MLPH: variants seen among roughly 807,000 people sequenced by gnomAD.
The protein encoded by MLPH is melanophilin.
In MLPH, 51 loss-of-function variants were observed where a neutral mutation model predicts 72.1. That is an observed-to-expected ratio of 0.71 (90% CI 0.56 to 0.89). MLPH has a LOEUF of 0.89. MLPH is among the 40% of genes least tolerant of loss of function. MLPH has a pLI of 0.00. For missense variants in MLPH, 743 were observed against 759.9 expected (o/e 0.98, Z 0.26); for synonymous variants, 301 against 310.1 (o/e 0.97, Z 0.31).
intron 11 of MLPH, 56 bp from the exon 12 acceptor site, chr2:237,542,511 G>A (rs1040722155): frequency 3.9e-4 from 541 of 1,401,060 alleles, no homozygotes; most frequent in Non-Finnish European, 4.7e-4. Flanking sequence ...CCATGACTTT[G>A]AGGCGGGATC....
At chr2:237,502,719 G>A (rs147869554) in intron 2 of MLPH, among the ~76,000 whole-genome samples, 25 of 152,320 alleles carry the variant, frequency 1.6e-4, no homozygotes, top group African/African-American at 5.1e-4. Context: ...AAGGCAAATA[G>A]GTGGTGACGT....
intron 2 of MLPH, among the ~76,000 whole-genome samples, chr2:237,496,740 A>T (rs1276168505): frequency 6.6e-6 from 1 of 152,166 alleles, no homozygotes; most frequent in Non-Finnish European, 1.5e-5. Flanking sequence ...AAGTCCCCAG[A>T]TGTCTTCCGA....
chr2:237,493,894 A>G (rs1371584260), intron 2 of MLPH, among the ~76,000 whole-genome samples: 1 of 152,170 alleles, frequency 6.6e-6, no homozygotes, highest in African/African-American at 2.4e-5. Flanking sequence ...GTTGGAATCA[A>G]GTCTTTAGGA....
chr2:237,503,244 C>G (rs111932012), intron 2 of MLPH, among the ~76,000 whole-genome samples: 47 of 152,284 alleles, frequency 3.1e-4, no homozygotes, highest in African/African-American at 1.1e-3. Context: ...AAAATAGGGG[C>G]TAAAACAGGG....
chr2:237,553,518 C>T (rs768253105), intron 15 of MLPH, 48 bp from the exon 16 acceptor site: 4 of 1,578,000 alleles, frequency 2.5e-6, no homozygotes, highest in Non-Finnish European at 3.5e-6. Flanking sequence ...GTGTTACATG[C>T]CTGTGTATGT....
rs77869297 is a variant in MLPH at position 237,493,465 on chromosome 2, A to G, written c.39A>G (p.Glu13=). ...TGGATCTTTCCAAGCTCACTGATGA[A>G]GAGGCCCAGCATGTCTTGGAAGTTG... ...KKLDLSKLTD[E]EAQHVLEVVQ... The change falls in exon 2 of 16, where the codon GAA becomes GAG. Residue 13 remains glutamate (E), a synonymous_variant. Transcript: ENST00000264605. 1,045 of 1,614,078 alleles carry G rather than the reference A, an allele frequency of 6.5e-4. 6 individuals are homozygous for G. The African/African-American group carries it at 0.012, about 19-fold the overall frequency.
At position 237,521,195 on chromosome 2, in the gene MLPH, T is replaced by G. The variant is rs192686783; in HGVS notation, c.675+1166T>G. 4.7e-4 allele frequency among the ~76,000 whole-genome samples: 72 copies of G among 152,218 alleles called. 2 individuals carry two copies. The East Asian group carries it at 0.013, about 27-fold the overall frequency. Reference sequence around the variant, plus strand: ...GAGTCGTGTAGCGAGGTTGTCCTATTAGAGCGAAGAAAACAATATGGGTAC... The same window carrying G: ...GAGTCGTGTAGCGAGGTTGTCCTATGAGAGCGAAGAAAACAATATGGGTAC... On this transcript the variant is annotated intron_variant, in intron 6 of 15. Transcript: ENST00000264605.
intron 5 of MLPH, among the ~76,000 whole-genome samples, chr2:237,519,188 T>G (rs932680628): frequency 2.0e-5 from 3 of 151,450 alleles, no homozygotes; most frequent in Non-Finnish European, 2.9e-5. Context: ...GGTTTTGGGG[T>G]GGGAAGCAAG....
In MLPH at chr2:237,554,329, G is replaced by T. The variant is rs1341593359; in HGVS notation, c.*737G>T. The T allele has an allele frequency of 6.0e-6, 1 of 165,978 alleles. No homozygotes were observed. The highest frequency in any genetic ancestry group is 1.3e-5 in the Non-Finnish European group (1 of 75,154). 10.3% of individuals were successfully genotyped at this position (165,978 alleles called of 1,614,324 possible). ...CAGAGCTCCAGATGGGCAAGGAAGA[G>T]GCTTGGTTCTAGCCTGGCTCTGCCC... On this transcript the variant is annotated 3_prime_UTR_variant, in exon 16 of 16. Transcript: ENST00000264605.
chr2:237,514,388 G>T lies in MLPH; in HGVS notation c.445+3287G>T, dbSNP rs188069800. Among the ~76,000 whole-genome samples, 225 of 152,278 alleles carry T rather than the reference G, an allele frequency of 1.5e-3. No homozygotes were observed. In the Middle Eastern group the frequency reaches 0.017, roughly 12 times the overall value. On this transcript the variant is annotated intron_variant, in intron 4 of 15. Transcript: ENST00000264605. ...TGCTGGGATTACAAGCATAAACCGT[G>T]CATGCCCAGCCAGATAATTTCTTTA...
intron 1 of MLPH, among the ~76,000 whole-genome samples, chr2:237,490,362 G>T (rs73098871): frequency 6.6e-6 from 1 of 152,148 alleles, no homozygotes; most frequent in African/African-American, 2.4e-5. Flanking sequence ...TTTGAAAGGG[G>T]ATAGAATGGG....
At chr2:237,499,080 G>A (rs749272400) in intron 2 of MLPH, among the ~76,000 whole-genome samples, 18 of 144,320 alleles carry the variant, frequency 1.2e-4, no homozygotes, top group Non-Finnish European at 1.9e-4. Flanking sequence ...AGATCTTCCC[G>A]GAGGGTTTCG....
rs1289657418 is a variant in MLPH, at chr2:237,510,840, T to C, written c.332+45T>C. 5 of 1,607,476 alleles carry C rather than the reference T, an allele frequency of 3.1e-6. No individual in the cohort carries two copies. The highest frequency in any genetic ancestry group is 4.3e-6 in the Non-Finnish European group (5 of 1,175,234). ...TAAAATGACCTTGATAGTTTCTGGA[T>C]CTGGCGTGTCCCTTCCATGGGGCTA... On this transcript the variant is annotated intron_variant, in intron 3 of 15. Coordinates refer to ENST00000264605, the MANE Select transcript of MLPH (RefSeq NM_024101.7). The surrounding 1 kb of genome is among the most constrained non-coding windows in gnomAD (Gnocchi z 4.4).
Position 237,554,669 on chromosome 2 carries a change from G to A in MLPH, c.*1077G>A, listed in dbSNP as rs761580127. 6.6e-6 allele frequency: 1 copy of A among 152,240 alleles called. No individual in the cohort carries two copies. Among genetic ancestry groups the A allele is most frequent in the Non-Finnish European group, 1.5e-5 (1 of 68,072 alleles). 9.4% of individuals were successfully genotyped at this position (152,240 alleles called of 1,614,324 possible). A position where few individuals can be genotyped will look rare whatever the true frequency, so the allele number is the denominator to read the frequency against. ...CACTGCCTTTGTCAGAGGGGGTGCT[G>A]AGAGGAGTGGCTTCTTTTAGAATCA... On this transcript the variant is annotated 3_prime_UTR_variant, in exon 16 of 16. Coordinates refer to ENST00000264605, the MANE Select transcript of MLPH (RefSeq NM_024101.7).
chr2:237,540,626 C>G (rs1014911514), intron 10 of MLPH, 93 bp downstream of exon 10: 5 of 1,514,420 alleles, frequency 3.3e-6, no homozygotes, highest in African/African-American at 1.4e-5. Context: ...CCCAGGGAGG[C>G]AGCACCCACA....
intron 1 of MLPH, among the ~76,000 whole-genome samples, chr2:237,488,259 A>G (rs941137139): frequency 2.0e-5 from 3 of 152,142 alleles, no homozygotes; most frequent in Non-Finnish European, 4.4e-5. Context: ...ATAGGTGCAA[A>G]GGCCAGCATT....
rs143906191 is a variant in MLPH at position 237,511,028 on chromosome 2, T to A, written c.372T>A (p.His124Gln). The change falls in exon 4 of 16, where the codon CAT becomes CAA. Residue 124 changes from histidine (H) to glutamine (Q), a missense_variant. Coordinates refer to ENST00000264605, the MANE Select transcript of MLPH (RefSeq NM_024101.7). ...KIGSLEWYYE[H>Q]VKARFKRFGS... is the part of the protein sequence containing the mutation. ...GCTCACTGGAGTGGTACTATGAGCA[T>A]GTGAAAGCCCGCTTCAAGAGGTTCG... 3.1e-6 allele frequency: 5 copies of A among 1,613,892 alleles called. No homozygotes were observed. In the East Asian group the frequency reaches 1.1e-4, roughly 36 times the overall value.
intron 2 of MLPH, among the ~76,000 whole-genome samples, chr2:237,494,667 G>A (rs1358399842): frequency 1.3e-5 from 2 of 152,184 alleles, no homozygotes; most frequent in Non-Finnish European, 2.9e-5. Flanking sequence ...CAAGGACAGA[G>A]TTGAGGTCAG....
intron 4 of MLPH, chr2:237,518,280 T>G: frequency 1.8e-6 from 1 of 568,522 alleles, no homozygotes; most frequent in Non-Finnish European, 3.3e-6. Context: ...GGCTGCCCAT[T>G]GAGTAGGTGG....
Sources: allele counts gnomAD v4.1 joint callset (sites outside exome capture counted in the v4.1 genomes callset), GRCh38; gene constraint gnomAD v4.1.1; non-coding constraint Gnocchi (gnomAD v3.1); transcripts MANE v1.5; gene names NCBI Gene and HGNC (gene_info 2026-07-23, HGNC 2026-07-21).